DISC1: variants seen among roughly 807,000 people sequenced by gnomAD.
DISC1 encodes disrupted in schizophrenia 1 protein.
A neutral mutation model predicts 84.5 loss-of-function variants in DISC1; 57 were observed. The observed-to-expected ratio is 0.67, with a 90% CI of 0.55 to 0.84. DISC1 has a LOEUF of 0.84. Among genes scored for constraint, DISC1 ranks in the 40% least tolerant of loss-of-function variants. The probability of loss-of-function intolerance (pLI) is 0.00; values close to 1 mark genes in which losing one functional copy is unlikely to be tolerated. For synonymous variants in DISC1, 411 were observed against 415.2 expected (o/e 0.99, Z 0.12); for missense variants, 1,000 against 1,057.8 (o/e 0.95, Z 0.76).
intron 10 of DISC1, among the ~76,000 whole-genome samples, chr1:231,992,558 G>A (rs1405053275): frequency 6.6e-6 from 1 of 152,082 alleles, no homozygotes; most frequent in Non-Finnish European, 1.5e-5. Context: ...TTTCAGGTTT[G>A]TGTTTGCTTA....
intron 10 of DISC1, among the ~76,000 whole-genome samples, chr1:231,983,926 CTTCCAA>C (rs1264465750): frequency 1.3e-5 from 2 of 152,100 alleles, no homozygotes; most frequent in Non-Finnish European, 2.9e-5. Flanking sequence ...CTAATTTTTT[CTTCCAA>C]TTCCAATGAA....
chr1:231,952,678 C>CAT (rs552411158), intron 9 of DISC1, among the ~76,000 whole-genome samples: 201 of 139,922 alleles, frequency 1.4e-3, no homozygotes, highest in African/African-American at 4.8e-3. Flanking sequence ...TATTGTCTCT[C>CAT]ATATATATAT....
chr1:231,914,331 G>T (rs964983198), intron 9 of DISC1, among the ~76,000 whole-genome samples: 30 of 152,362 alleles, frequency 2.0e-4, no homozygotes, highest in African/African-American at 5.8e-4. Context: ...TCTGCAAGCG[G>T]AGCTGAAATC....
chr1:231,828,313 A>G (rs534993895), intron 9 of DISC1, among the ~76,000 whole-genome samples: 18 of 152,266 alleles, frequency 1.2e-4, no homozygotes, highest in African/African-American at 1.4e-4. Flanking sequence ...GTATGTACCA[A>G]TCTTGTTGGG....
Position 231,630,953 on chromosome 1 carries a change from G to A in DISC1, c.67+4019G>A, listed in dbSNP as rs1486365699. Among the ~76,000 whole-genome samples, 3 of 152,168 alleles carry A rather than the reference G, an allele frequency of 2.0e-5. No individual in the cohort carries two copies. The highest frequency in any genetic ancestry group is 2.9e-5 in the Non-Finnish European group (2 of 68,038). On this transcript the variant is annotated intron_variant, in intron 1 of 12. Transcript: ENST00000439617. This position sits in a 1 kb window ranked among gnomAD's most constrained non-coding sequence, Gnocchi z 4.4. ...AGGTAGGCAGGGGCTCACATGGTGT[G>A]CACAGCCCCTTATATGACTACTGGT...
rs536386211 is a variant in DISC1, at chr1:232,031,448, AGGAGAAGGGAAG to A, written c.2425+4913_2425+4924del. Among the ~76,000 whole-genome samples, 33 of 150,502 alleles carry A rather than the reference AGGAGAAGGGAAG, an allele frequency of 2.2e-4. No homozygotes were observed. The highest frequency in any genetic ancestry group is 5.6e-4 in the African/African-American group (23 of 40,846). ...AGGGAAAGGAGAAGGGAAAAGGGAA[AGGAGAAGGGAAG>A]GGAGAAGGGAAGGGAGCAAAAGGGA... is the stretch of plus-strand genomic sequence containing the variant. On this transcript the variant is annotated intron_variant, in intron 12 of 12. Coordinates refer to ENST00000439617, the MANE Select transcript of DISC1 (RefSeq NM_018662.3). The surrounding 1 kb of genome is among the most constrained non-coding windows in gnomAD (Gnocchi z 4.6).
Position 231,812,954 on chromosome 1 carries a change from C to T in DISC1, c.1793-5375C>T, listed in dbSNP as rs181300856. ...GCTTGGGTCTTGATATGAATGGTCT[C>T]TTTGGGAATTCACACTCACTCTGCT... On this transcript the variant is annotated intron_variant, in intron 8 of 12. Transcript: ENST00000439617. 8.7e-3 allele frequency among the ~76,000 whole-genome samples: 1,321 copies of T among 152,264 alleles called. 7 individuals are homozygous for T. Among genetic ancestry groups the T allele is most frequent in the Non-Finnish European group, 0.012 (825 of 68,020 alleles).
At chr1:232,016,412 T>C (rs1238814869) in intron 11 of DISC1, among the ~76,000 whole-genome samples, 1 of 152,246 alleles carries the variant, frequency 6.6e-6, no homozygotes, top group Non-Finnish European at 1.5e-5. Flanking sequence ...TGAATCCTTT[T>C]ATTAAAGGGA....
At chr1:231,645,716 A>G (rs909904512) in intron 1 of DISC1, among the ~76,000 whole-genome samples, 2 of 151,650 alleles carry the variant, frequency 1.3e-5, no homozygotes, top group Non-Finnish European at 2.9e-5. Context: ...CCTGTGTCCA[A>G]GTGTTCTCAT....
At chr1:231,932,955 A>T (rs1051986976) in intron 9 of DISC1, among the ~76,000 whole-genome samples, 5 of 152,132 alleles carry the variant, frequency 3.3e-5, no homozygotes, top group African/African-American at 9.7e-5. Flanking sequence ...CCCAATTTAT[A>T]CTCCTAATAA....
intron 5 of DISC1, among the ~76,000 whole-genome samples, chr1:231,770,092 C>T (rs2076439880): frequency 6.6e-6 from 1 of 152,032 alleles, no homozygotes; most frequent in Non-Finnish European, 1.5e-5. Context: ...CTCTTATCCC[C>T]ACAAAACATG....
rs774751942 is a variant in DISC1, at chr1:232,009,557, A to G, written c.2307+508A>G. 1 of 917,310 alleles carries G rather than the reference A, an allele frequency of 1.1e-6. No individual in the cohort carries two copies. The highest frequency in any genetic ancestry group is 1.3e-6 in the Non-Finnish European group (1 of 768,140). 56.8% of individuals were successfully genotyped at this position (917,310 alleles called of 1,614,324 possible). On this transcript the variant is annotated intron_variant, in intron 11 of 12. Coordinates refer to ENST00000439617, the MANE Select transcript of DISC1 (RefSeq NM_018662.3). This position sits in a 1 kb window ranked among gnomAD's most constrained non-coding sequence, Gnocchi z 4.6. Reference sequence around the variant, plus strand: ...CCCATTAATTGTTTTTACCAAAACCAGATCATAATGAATGTTTATAATGTT... The same window carrying G: ...CCCATTAATTGTTTTTACCAAAACCGGATCATAATGAATGTTTATAATGTT...
intron 1 of DISC1, among the ~76,000 whole-genome samples, chr1:231,668,778 A>G (rs1240070328): frequency 6.6e-6 from 1 of 152,222 alleles, no homozygotes; most frequent in Non-Finnish European, 1.5e-5. Flanking sequence ...GACAAGCACC[A>G]TGAAGTGGTT....
intron 4 of DISC1, among the ~76,000 whole-genome samples, chr1:231,761,095 A>T (rs1187706866): frequency 6.6e-6 from 1 of 152,174 alleles, no homozygotes; most frequent in Non-Finnish European, 1.5e-5. Context: ...CCTTTAAATT[A>T]TTGATGGAAA....
At position 231,706,875 on chromosome 1, in the gene DISC1, G is replaced by C. The variant is rs377564265; in HGVS notation, c.1117+4851G>C. On this transcript the variant is annotated intron_variant, in intron 3 of 12. Coordinates refer to ENST00000439617, the MANE Select transcript of DISC1 (RefSeq NM_018662.3). ...CTATCCTCAGTTTCTCGTCACTGAT[G>C]GTGTGCAAATTACCCAACCAGATAC... Among the ~76,000 whole-genome samples, 130 of 152,162 alleles carry C rather than the reference G, an allele frequency of 8.5e-4. 1 individual carries two copies. In the South Asian group the frequency reaches 0.026, roughly 31 times the overall value.
At chr1:231,963,286 A>T (rs1660640638) in intron 10 of DISC1, among the ~76,000 whole-genome samples, 1 of 152,086 alleles carries the variant, frequency 6.6e-6, no homozygotes. Context: ...CTAATTTAGA[A>T]GGGGACATGG....
chr1:231,786,744 C>T (rs1035099502), intron 6 of DISC1, among the ~76,000 whole-genome samples: 14 of 151,928 alleles, frequency 9.2e-5, no homozygotes, highest in African/African-American at 3.4e-4. Context: ...ATATGGGGAC[C>T]TAGCCTGTAT....
At chr1:231,682,359 G>T (rs985680942) in intron 1 of DISC1, among the ~76,000 whole-genome samples, 1 of 152,188 alleles carries the variant, frequency 6.6e-6, no homozygotes, top group Non-Finnish European at 1.5e-5. Flanking sequence ...TGCACTTGCT[G>T]TTTTTCAAGT....
chr1:231,829,662 A>C (rs2082091183), intron 9 of DISC1, among the ~76,000 whole-genome samples: 1 of 151,994 alleles, frequency 6.6e-6, no homozygotes, highest in Non-Finnish European at 1.5e-5. Flanking sequence ...ACTTTTTTTC[A>C]TTGTGTGTTT....
Sources: gnomAD v4.1 joint callset for allele counts (sites outside exome capture counted in the v4.1 genomes callset) on GRCh38, gnomAD v4.1.1 for gene constraint, Gnocchi (gnomAD v3.1) non-coding constraint, MANE v1.5 for transcripts, NCBI Gene and HGNC (gene_info 2026-07-23, HGNC 2026-07-21) for gene names.